ZFHX3: variants seen among roughly 807,000 people sequenced by gnomAD.
ZFHX3 encodes the protein zinc finger homeobox 3.
A neutral mutation model predicts 279.1 loss-of-function variants in ZFHX3; 42 were observed. The observed-to-expected ratio is 0.15, with a 90% CI of 0.12 to 0.19. The LOEUF (loss-of-function observed/expected upper bound fraction) is 0.19, where lower values mean the gene tolerates loss of function less well. Among genes scored for constraint, ZFHX3 ranks in the 10% least tolerant of loss-of-function variants. The probability of loss-of-function intolerance (pLI) is 1.00; values close to 1 mark genes in which losing one functional copy is unlikely to be tolerated. For synonymous variants in ZFHX3, 2,293 were observed against 1,957.8 expected (o/e 1.17, Z -4.52); for missense variants, 4,981 against 4,754.0 (o/e 1.05, Z -1.40).
At chr16:73,393,867 T>TTA (rs143178997) in intron 3 of ZFHX3, among the ~76,000 whole-genome samples, 192 of 147,662 alleles carry the variant, frequency 1.3e-3, no homozygotes, top group African/African-American at 3.6e-3. Context: ...AGATATCCTA[T>TTA]TATATATATA....
chr16:73,655,879 A>G (rs1419580503), intron 2 of ZFHX3, among the ~76,000 whole-genome samples: 4 of 152,230 alleles, frequency 2.6e-5, no homozygotes, highest in African/African-American at 9.6e-5. Flanking sequence ...CATCCACTCT[A>G]GAGAAATTAT....
At chr16:72,987,898 G>T (rs1962914103) in intron 1 of ZFHX3, among the ~76,000 whole-genome samples, 1 of 152,152 alleles carries the variant, frequency 6.6e-6, no homozygotes, top group South Asian at 2.1e-4. Context: ...GCCACCTACT[G>T]AACTCCAAGC....
At chr16:72,986,521 G>A (rs1364673572) in intron 1 of ZFHX3, among the ~76,000 whole-genome samples, 1 of 152,096 alleles carries the variant, frequency 6.6e-6, no homozygotes, top group East Asian at 1.9e-4. Context: ...ACTGGGCTTG[G>A]GTCCCAAGTT....
intron 1 of ZFHX3, among the ~76,000 whole-genome samples, chr16:73,775,935 G>A (rs1375652630): frequency 6.6e-6 from 1 of 152,124 alleles, no homozygotes; most frequent in Non-Finnish European, 1.5e-5. Flanking sequence ...TCTGGCAGCA[G>A]CCTAGTGTGG....
chr16:73,240,073 T>G (rs1021048797), intron 5 of ZFHX3, among the ~76,000 whole-genome samples: 2 of 151,908 alleles, frequency 1.3e-5, no homozygotes, highest in African/African-American at 4.8e-5. Flanking sequence ...ATATAGTTAC[T>G]TAACATTGAA....
At chr16:73,045,640 CATTATT>C (rs10602067) in intron 1 of ZFHX3, among the ~76,000 whole-genome samples, 11,427 of 142,860 alleles carry the variant, frequency 0.08, 467 homozygotes, top group Middle Eastern at 0.12. Flanking sequence ...CATGGATTTA[CATTATT>C]ATTATTATTA....
intron 1 of ZFHX3, among the ~76,000 whole-genome samples, chr16:73,055,610 G>C (rs984921810): frequency 9.9e-5 from 15 of 152,012 alleles, no homozygotes; most frequent in African/African-American, 3.6e-4. Flanking sequence ...ATATTTAATA[G>C]GGGTGGGGGA....
intron 2 of ZFHX3, among the ~76,000 whole-genome samples, chr16:73,464,856 G>A (rs541010680): frequency 1.2e-3 from 177 of 152,300 alleles, no homozygotes; most frequent in Non-Finnish European, 2.0e-3. Flanking sequence ...CATTTTCCTA[G>A]TATGTCCATT....
chr16:73,478,594 A>G (rs748335969), intron 2 of ZFHX3, among the ~76,000 whole-genome samples: 2 of 152,170 alleles, frequency 1.3e-5, no homozygotes, highest in African/African-American at 2.4e-5. Flanking sequence ...CAAATGTCCA[A>G]ACTTTCTTAT....
intron 4 of ZFHX3, among the ~76,000 whole-genome samples, chr16:73,305,619 C>G (rs61022401): frequency 0.11 from 16,443 of 151,814 alleles, 915 homozygotes; most frequent in African/African-American, 0.11. Flanking sequence ...CCTGCAACTT[C>G]AGACCAATCA....
chr16:73,317,841 A>G (rs1414719031), intron 4 of ZFHX3, among the ~76,000 whole-genome samples: 1 of 152,208 alleles, frequency 6.6e-6, no homozygotes, highest in African/African-American at 2.4e-5. Flanking sequence ...TGGCAAATAA[A>G]TGGGCCCAGA....
rs1486426112 is a variant in ZFHX3, at chr16:73,472,488, A to G, written c.-1546-16230T>C. Among the ~76,000 whole-genome samples, 4 of 152,268 alleles carry G rather than the reference A, an allele frequency of 2.6e-5. No homozygotes were observed. In the East Asian group the frequency reaches 7.7e-4, roughly 29 times the overall value. The stretch of plus-strand genomic sequence containing the variant: ...ACCACATTGGAAGAGAGAATTTTCT[A>G]CTTCACCAGTGGGAAGTGGGAGAAA... On this transcript the variant is annotated intron_variant, in intron 2 of 17. Transcript: ENST00000641206.
intron 9 of ZFHX3, chr16:72,790,112 G>A (rs1406530744): frequency 6.6e-6 from 1 of 152,268 alleles, no homozygotes; most frequent in Non-Finnish European, 1.5e-5. Flanking sequence ...GCTATCTCCT[G>A]GTTTGAGTCA....
chr16:73,551,356 T>G (rs1318337530), intron 2 of ZFHX3, among the ~76,000 whole-genome samples: 1 of 152,194 alleles, frequency 6.6e-6, no homozygotes, highest in African/African-American at 2.4e-5. Flanking sequence ...AAAAAAAAAG[T>G]ACAAATGAGC....
In ZFHX3 at chr16:73,735,369, C is replaced by G. The variant is rs142885745; in HGVS notation, c.-1607-55129G>C. 2.1e-3 allele frequency among the ~76,000 whole-genome samples: 306 copies of G among 148,302 alleles called. 3 individuals are homozygous for G. Among genetic ancestry groups the G allele is most frequent in the African/African-American group, 7.2e-3 (288 of 40,002 alleles). ...CAACGGAAATCCAATAAAGCAAGTT[C>G]CATGTGTGCTTCTAAAAAAAAAAAA... On this transcript the variant is annotated intron_variant, in intron 1 of 17. Coordinates refer to the ZFHX3 transcript ENST00000641206.
At chr16:73,675,909 T>C (rs757374141) in intron 2 of ZFHX3, among the ~76,000 whole-genome samples, 23 of 151,860 alleles carry the variant, frequency 1.5e-4, no homozygotes, top group Non-Finnish European at 3.1e-4. Flanking sequence ...ACAACAAAAT[T>C]ACAAAATTTT....
intron 5 of ZFHX3, among the ~76,000 whole-genome samples, chr16:73,230,882 T>C (rs1567424501): frequency 6.6e-6 from 1 of 152,178 alleles, no homozygotes; most frequent in Non-Finnish European, 1.5e-5. Context: ...GACAGCTCTT[T>C]TCAGGACAGG....
At chr16:73,515,908 C>A (rs2019513109) in intron 2 of ZFHX3, among the ~76,000 whole-genome samples, 1 of 152,174 alleles carries the variant, frequency 6.6e-6, no homozygotes, top group Non-Finnish European at 1.5e-5. Context: ...TAGAGTCAGT[C>A]AAGATATTAT....
chr16:73,579,166 C>G (rs2051831340), intron 2 of ZFHX3, among the ~76,000 whole-genome samples: 1 of 152,238 alleles, frequency 6.6e-6, no homozygotes, highest in African/African-American at 2.4e-5. Context: ...ATAACTCTTT[C>G]AGCCAATTGC....
Sources: gnomAD v4.1 joint callset for allele counts (sites outside exome capture counted in the v4.1 genomes callset) on GRCh38, gnomAD v4.1.1 for gene constraint, MANE v1.5 for transcripts, NCBI Gene and HGNC (gene_info 2026-07-23, HGNC 2026-07-21) for gene names.